SORBS2: variants seen among roughly 807,000 people sequenced by gnomAD.
SORBS2 encodes the protein sorbin and SH3 domain-containing protein 2.
In SORBS2, 46 loss-of-function variants were observed where a neutral mutation model predicts 97.7. The ratio of observed to expected loss-of-function variants is 0.47; its 90% CI spans 0.37 to 0.60. SORBS2 has a LOEUF of 0.60. SORBS2 is among the 20% of genes least tolerant of loss of function. The pLI is 0.00. For synonymous variants in SORBS2, 476 were observed against 473.4 expected (o/e 1.01, Z -0.07); for missense variants, 1,316 against 1,282.3 (o/e 1.03, Z -0.40).
intron 1 of SORBS2, among the ~76,000 whole-genome samples, chr4:185,877,553 C>T (rs930520987): frequency 2.6e-5 from 4 of 151,962 alleles, no homozygotes; most frequent in Non-Finnish European, 5.9e-5. Context: ...AGATAGAATT[C>T]TGTGATAATT....
At chr4:185,709,320 T>TTC (rs1554199466) in intron 2 of SORBS2, among the ~76,000 whole-genome samples, 7 of 141,042 alleles carry the variant, frequency 5.0e-5, no homozygotes, top group African/African-American at 1.9e-4. Flanking sequence ...TTTTTTTTTT[T>TTC]TTTTAGTAAA....
rs1052522651 is a variant in SORBS2, at chr4:185,650,774, C to T, written c.92-1118G>A. Among the ~76,000 whole-genome samples, 9 of 151,970 alleles carry T rather than the reference C, an allele frequency of 5.9e-5. No homozygotes were observed. In the East Asian group the frequency reaches 1.4e-3, roughly 23 times the overall value. On this transcript the variant is annotated intron_variant, in intron 2 of 14. Coordinates refer to ENST00000418609, the Ensembl canonical transcript of SORBS2. ...AAATAAAGGAGGTGAGTTTGGTGGG[C>T]GTGGGAGCAGGGATGAAATTAAGGG... is the stretch of plus-strand genomic sequence containing the variant.
At position 185,656,537 on chromosome 4, in the gene SORBS2, C is replaced by T. The variant is rs1248126526; in HGVS notation, c.24+78G>A. 10 of 1,062,428 alleles carry T rather than the reference C, an allele frequency of 9.4e-6. No individual in the cohort carries two copies. The African/African-American group carries it at 1.4e-4, about 15-fold the overall frequency. 65.8% of individuals were successfully genotyped at this position (1,062,428 alleles called of 1,614,324 possible). A position where few individuals can be genotyped will look rare whatever the true frequency, so the allele number is the denominator to read the frequency against. On this transcript the variant is annotated intron_variant, in intron 1 of 14. Coordinates refer to ENST00000418609, the Ensembl canonical transcript of SORBS2. ...TGCATTCCAGGGGAGCAGCTCTTGG[C>T]CACACCCCAGCTTTACATGGGTCTT...
At chr4:185,741,347 G>C (rs1357915962) in intron 2 of SORBS2, among the ~76,000 whole-genome samples, 1 of 151,046 alleles carries the variant, frequency 6.6e-6, no homozygotes, top group Non-Finnish European at 1.5e-5. Context: ...AGGAACAGAG[G>C]TCAGGCCCAA....
exon 15 of SORBS2, chr4:185,587,522 T>C (rs1160516083): frequency 8.5e-6 from 8 of 938,170 alleles, no homozygotes; most frequent in Non-Finnish European, 1.4e-5. Flanking sequence ...TGACGGCGCA[T>C]TGGAAACCGT....
intron 1 of SORBS2, among the ~76,000 whole-genome samples, chr4:185,922,686 T>C (rs2099261464): frequency 6.6e-6 from 1 of 152,258 alleles, no homozygotes; most frequent in Admixed American, 6.5e-5. Context: ...TCCATTTTCT[T>C]AGAAAATCTT....
At chr4:185,872,432 T>C (rs1001868637) in intron 1 of SORBS2, among the ~76,000 whole-genome samples, 7 of 152,306 alleles carry the variant, frequency 4.6e-5, no homozygotes, top group Middle Eastern at 3.4e-3. Flanking sequence ...GGCAGAGCTG[T>C]GGGAATTTCA....
chr4:185,877,861 C>A (rs2149763824), intron 1 of SORBS2, among the ~76,000 whole-genome samples: 1 of 73,078 alleles, frequency 1.4e-5, no homozygotes, highest in Admixed American at 1.5e-4. Flanking sequence ...CAGAGTGAGA[C>A]TCTGTCAAAA....
intron 1 of SORBS2, among the ~76,000 whole-genome samples, chr4:185,950,248 CA>C (rs10655336): frequency 9.5e-5 from 14 of 147,132 alleles, no homozygotes; most frequent in Admixed American, 6.7e-5. Context: ...AAGACTGTCT[CA>C]AAAAAAAAAA....
chr4:185,888,395 G>A (rs772739990), intron 1 of SORBS2, among the ~76,000 whole-genome samples: 6 of 151,984 alleles, frequency 3.9e-5, no homozygotes, highest in Middle Eastern at 3.2e-3. Flanking sequence ...TGAGTGATGG[G>A]GCCACAAGCC....
chr4:185,709,319 T>C (rs1030029021), intron 2 of SORBS2, among the ~76,000 whole-genome samples: 1 of 147,908 alleles, frequency 6.8e-6, no homozygotes, highest in South Asian at 2.1e-4. Flanking sequence ...TTTTTTTTTT[T>C]TTTTTAGTAA....
chr4:185,921,165 C>T (rs1231349497), intron 1 of SORBS2, among the ~76,000 whole-genome samples: 1 of 152,194 alleles, frequency 6.6e-6, no homozygotes, highest in Admixed American at 6.5e-5. Flanking sequence ...TTTCAATTTT[C>T]CATGGTTCCC....
intron 2 of SORBS2, among the ~76,000 whole-genome samples, chr4:185,734,872 C>T (rs28625751): frequency 0.075 from 11,370 of 152,292 alleles, 700 homozygotes; most frequent in East Asian, 0.19. Flanking sequence ...TTGATCATTA[C>T]ACCAGCTCTT....
At chr4:185,833,996 C>T (rs779197041) in intron 1 of SORBS2, among the ~76,000 whole-genome samples, 72 of 152,212 alleles carry the variant, frequency 4.7e-4, no homozygotes, top group Non-Finnish European at 7.5e-4. Flanking sequence ...GCAGTATGAA[C>T]ATAAATTATG....
At chr4:185,651,883 G>A (rs1051308523) in intron 2 of SORBS2, 55 bp from the exon 11 acceptor site, 10 of 871,510 alleles carry the variant, frequency 1.1e-5, no homozygotes, top group African/African-American at 5.1e-5. Flanking sequence ...AAAGGACAAC[G>A]AGACAGCAGA....
chr4:185,875,592 A>C (rs1485252212), intron 1 of SORBS2, among the ~76,000 whole-genome samples: 6 of 152,206 alleles, frequency 3.9e-5, no homozygotes, highest in Non-Finnish European at 8.8e-5. Context: ...TCTATGACTA[A>C]ATTTTCTCTG....
At chr4:185,642,741 C>G (rs1469829886) in intron 4 of SORBS2, among the ~76,000 whole-genome samples, 1 of 152,194 alleles carries the variant, frequency 6.6e-6, no homozygotes. Context: ...AGGAAGATCT[C>G]TTTGCCAGGG....
At chr4:185,919,574 T>TTTTC (rs1429221699) in intron 1 of SORBS2, 11 of 152,186 alleles carry the variant, frequency 7.2e-5, no homozygotes, top group Non-Finnish European at 1.2e-4. Flanking sequence ...CTGTAGAGGT[T>TTTTC]TTTCTTTCTT....
intron 1 of SORBS2, among the ~76,000 whole-genome samples, chr4:185,949,293 T>C (rs1322539287): frequency 6.6e-6 from 1 of 152,204 alleles, no homozygotes; most frequent in Non-Finnish European, 1.5e-5. Flanking sequence ...TCTTTGGTGG[T>C]ACACCCAGTA....
Sources: allele counts gnomAD v4.1 joint callset (sites outside exome capture counted in the v4.1 genomes callset), GRCh38; gene constraint gnomAD v4.1.1; transcripts MANE v1.5; gene names NCBI Gene and HGNC (gene_info 2026-07-23, HGNC 2026-07-21).